RGS10: variants seen among roughly 807,000 people sequenced by gnomAD.
RGS10 encodes regulator of G-protein signalling 10.
Under a neutral mutation model 23.5 loss-of-function variants are expected in RGS10, and 11 were observed. That is an observed-to-expected ratio of 0.47 (90% CI 0.29 to 0.77). RGS10 has a LOEUF of 0.77. RGS10 is among the 30% of genes least tolerant of loss of function. The pLI is 0.08. For missense variants in RGS10, 180 were observed against 226.3 expected (o/e 0.80, Z 1.31); for synonymous variants, 77 against 83.2 (o/e 0.92, Z 0.41).
rs973037242 is a variant in RGS10, at chr10:119,524,263, A to T, written c.255+1769T>A. Among the ~76,000 whole-genome samples, 7 of 152,054 alleles carry T rather than the reference A, an allele frequency of 4.6e-5. No homozygotes were observed. Among genetic ancestry groups the T allele is most frequent in the African/African-American group, 1.7e-4 (7 of 41,372 alleles). On this transcript the variant is annotated intron_variant, in intron 3 of 4. Coordinates refer to ENST00000369103, the MANE Select transcript of RGS10 (RefSeq NM_001005339.2). The surrounding 1 kb of genome is among the most constrained non-coding windows in gnomAD (Gnocchi z 5.2). ...GGCACCAAGCAGGCACTTCACAAAG[A>T]TTTGGGGAATTCAACTGAACGGAGG...
chr10:119,508,619 T>G (rs1447302997), intron 4 of RGS10, among the ~76,000 whole-genome samples: 2 of 152,242 alleles, frequency 1.3e-5, no homozygotes, highest in Admixed American at 6.5e-5. Context: ...GACTTCAATG[T>G]GTTCCATTCT....
At chr10:119,507,400 C>T (rs1200978545) in intron 4 of RGS10, among the ~76,000 whole-genome samples, 3 of 152,110 alleles carry the variant, frequency 2.0e-5, no homozygotes, top group East Asian at 1.9e-4. Flanking sequence ...GCCCCTCTCT[C>T]ACCCTCCGAG....
intron 4 of RGS10, among the ~76,000 whole-genome samples, chr10:119,500,568 C>T (rs11817808): frequency 0.013 from 2,033 of 151,884 alleles, 36 homozygotes; most frequent in African/African-American, 0.047. Context: ...TCAAGACTCT[C>T]CACTTTATTT....
Position 119,526,062 on chromosome 10 carries a change from T to C in RGS10, c.225A>G (p.Glu75=). The stretch of plus-strand genomic sequence containing the variant: ...TCTTATCTTGCATTTTCTTAAAATC[T>C]TCACATGCTAGCCAAAACAAAACAT... The part of the protein sequence containing the change: ...EENVLFWLAC[E]DFKKMQDKTQ... The change falls in exon 3 of 5, where the codon GAA becomes GAG. Residue 75 remains glutamate, a synonymous_variant. Coordinates refer to ENST00000369103, the MANE Select transcript of RGS10 (RefSeq NM_001005339.2). 1 of 1,579,442 alleles carries C rather than the reference T, an allele frequency of 6.3e-7. No individual in the cohort carries two copies. The highest frequency in any genetic ancestry group is 1.2e-5 in the South Asian group (1 of 83,430).
At position 119,538,918 on chromosome 10, in the gene RGS10, A is replaced by C. The variant is rs993706946; in HGVS notation, c.49+3672T>G. Among the ~76,000 whole-genome samples the C allele has an allele frequency of 6.6e-6, 1 of 152,204 alleles. No individual in the cohort carries two copies. The highest frequency in any genetic ancestry group is 2.4e-5 in the African/African-American group (1 of 41,452). On this transcript the variant is annotated intron_variant, in intron 1 of 4. Coordinates refer to ENST00000369103, the MANE Select transcript of RGS10 (RefSeq NM_001005339.2). This position sits in a 1 kb window ranked among gnomAD's most constrained non-coding sequence, Gnocchi z 4.5. ...CAGCATCTGGGGACTCACTCCACCC[A>C]GGGAGGGAAGTGACTCAGTTCACCC... is the stretch of plus-strand genomic sequence containing the variant.
In RGS10 at chr10:119,532,009, A is replaced by C. The variant is rs1844333661; in HGVS notation, c.50-4585T>G. On this transcript the variant is annotated intron_variant, in intron 1 of 4. Transcript: ENST00000369103. ...GTTTTCTGGCTATGGTGCTCTAGAT[A>C]AAGAGCAATTCCTTCTTGCCTTTTT... Among the ~76,000 whole-genome samples, 3 of 152,170 alleles carry C rather than the reference A, an allele frequency of 2.0e-5. No homozygotes were observed. The South Asian group carries it at 6.2e-4, about 31-fold the overall frequency.
In RGS10 at chr10:119,502,421, C is replaced by G. The variant is rs1466419633; in HGVS notation, c.400-2162G>C. 1.2e-4 allele frequency among the ~76,000 whole-genome samples: 18 copies of G among 152,326 alleles called. No homozygotes were observed. The East Asian group carries it at 3.5e-3, about 29-fold the overall frequency. On this transcript the variant is annotated intron_variant, in intron 4 of 4. Coordinates refer to ENST00000369103, the MANE Select transcript of RGS10 (RefSeq NM_001005339.2). Reference sequence around the variant, plus strand: ...GCCTCAGTCCTGTACCCACTCCCACCCCAGGTCCACGCAGATGGGACCCAC... The same window carrying G: ...GCCTCAGTCCTGTACCCACTCCCACGCCAGGTCCACGCAGATGGGACCCAC...
intron 4 of RGS10, among the ~76,000 whole-genome samples, chr10:119,502,973 G>A (rs7905988): frequency 0.053 from 8,134 of 152,198 alleles, 267 homozygotes; most frequent in Middle Eastern, 0.075. Context: ...TGGGGTGCAC[G>A]GGCAGACTTC....
At position 119,518,487 on chromosome 10, in the gene RGS10, A is replaced by T. The variant is rs1026249113; in HGVS notation, c.256-2835T>A. Among the ~76,000 whole-genome samples the T allele has an allele frequency of 1.3e-5, 2 of 152,204 alleles. 1 individual carries two copies. Among genetic ancestry groups the T allele is most frequent in the African/African-American group, 4.8e-5 (2 of 41,448 alleles). On this transcript the variant is annotated intron_variant, in intron 3 of 4. Coordinates refer to ENST00000369103, the MANE Select transcript of RGS10 (RefSeq NM_001005339.2). ...TCAGCTCTCGAACCCGGCTCCCTGCAGGTGCACGATCAGGAGAAGCAAATT... is the reference window on the plus strand; with the variant it reads ...TCAGCTCTCGAACCCGGCTCCCTGCTGGTGCACGATCAGGAGAAGCAAATT...
At position 119,500,150 on chromosome 10, in the gene RGS10, G is replaced by A; in HGVS notation, c.509C>T (p.Thr170Ile). The A allele has an allele frequency of 6.2e-7, 1 of 1,614,012 alleles. No individual in the cohort carries two copies. The highest frequency in any genetic ancestry group is 8.5e-7 in the Non-Finnish European group (1 of 1,180,008). The stretch of plus-strand genomic sequence containing the variant: ...AATTCTGGAAGCTCTTTTAGCTGCA[G>A]TTTGAGCATCAGGCAAATCTTCTTC... ...EEEEDLPDAQTAAKRASRIYN... is the reference protein window; with the variant it reads ...EEEEDLPDAQIAAKRASRIYN... Residue 170 changes from threonine to isoleucine, a missense_variant, in exon 5 of 5, where the codon ACT becomes ATT. By Grantham distance (89) the Thr-to-Ile change is moderately conservative (BLOSUM62 -1). Transcript: ENST00000369103.
Position 119,542,627 on chromosome 10 carries a change from G to A in RGS10, c.12C>T (p.Arg4=). 7.0e-7 allele frequency: 1 copy of A among 1,420,900 alleles called. No individual in the cohort carries two copies. Among genetic ancestry groups the A allele is most frequent in the South Asian group, 1.4e-5 (1 of 71,194 alleles). 88.0% of individuals were successfully genotyped at this position (1,420,900 alleles called of 1,614,324 possible). ...GCTTCCTGCTCAGCCGGCTCACGGC[G>A]CGGTTGAACATCGCCGCGGGCGCCC... MFN[R]AVSRLSRKRP... Residue 4 remains arginine (R), a synonymous_variant, in exon 1 of 5, where the codon CGC becomes CGT. Coordinates refer to ENST00000369103, the MANE Select transcript of RGS10 (RefSeq NM_001005339.2).
chr10:119,527,428 C>T lies in RGS10; in HGVS notation c.50-4G>A. The T allele has an allele frequency of 6.2e-7, 1 of 1,612,094 alleles. No homozygotes were observed. Among genetic ancestry groups the T allele is most frequent in the Non-Finnish European group, 8.5e-7 (1 of 1,178,164 alleles). On this transcript the variant is annotated splice_region_variant and splice_polypyrimidine_tract_variant and intron_variant, in intron 1 of 4. Transcript: ENST00000369103. The surrounding 1 kb of genome is among the most constrained non-coding windows in gnomAD (Gnocchi z 4.2). ...CTGCCATCGCTGTCGTGGATGTCTG[C>T]AAAGCAAAGTTCAGACTGCATATGT...
chr10:119,525,270 G>A (rs1432667118), intron 3 of RGS10, among the ~76,000 whole-genome samples: 1 of 152,114 alleles, frequency 6.6e-6, no homozygotes, highest in Non-Finnish European at 1.5e-5. Flanking sequence ...CTGAAGCAGG[G>A]GAAGCCCAGA....
At chr10:119,523,241 G>A (rs1844239505) in intron 3 of RGS10, among the ~76,000 whole-genome samples, 1 of 152,134 alleles carries the variant, frequency 6.6e-6, no homozygotes, top group Admixed American at 6.6e-5. Context: ...AACACTCCAG[G>A]CCAAACACCC....
intron 2 of RGS10, among the ~76,000 whole-genome samples, 190 bp from the exon 3 acceptor site, chr10:119,526,308 T>C (rs1008161508): frequency 6.6e-6 from 1 of 152,240 alleles, no homozygotes; most frequent in East Asian, 1.9e-4. Flanking sequence ...CATATGCATT[T>C]GACCTTAATG....
At chr10:119,515,851 C>T (rs1404619915) in intron 3 of RGS10, among the ~76,000 whole-genome samples, 199 bp from the exon 4 acceptor site, 3 of 152,220 alleles carry the variant, frequency 2.0e-5, no homozygotes, top group Non-Finnish European at 4.4e-5. Context: ...ACCCCCGCCC[C>T]TTCATGCGCC....
chr10:119,528,157 A>G (rs1844296369), intron 1 of RGS10, among the ~76,000 whole-genome samples: 1 of 151,902 alleles, frequency 6.6e-6, no homozygotes, highest in Admixed American at 6.6e-5. Context: ...CAGCCTCCCA[A>G]GTAGCTGAGA....
intron 4 of RGS10, among the ~76,000 whole-genome samples, chr10:119,506,653 G>A (rs2133945773): frequency 6.6e-6 from 1 of 152,298 alleles, no homozygotes; most frequent in East Asian, 1.9e-4. Flanking sequence ...AAGGGGAGTT[G>A]AATGCTCCTC....
chr10:119,515,435 T>C (rs1205332329), intron 4 of RGS10, 74 bp downstream of exon 4: 2 of 1,570,924 alleles, frequency 1.3e-6, no homozygotes, highest in Non-Finnish European at 1.7e-6. Context: ...ACATCGGGTG[T>C]TTCAGTAAAT....
Sources: gnomAD v4.1 joint callset for allele counts (sites outside exome capture counted in the v4.1 genomes callset) on GRCh38, gnomAD v4.1.1 for gene constraint, Gnocchi (gnomAD v3.1) non-coding constraint, MANE v1.5 for transcripts, NCBI Gene and HGNC (gene_info 2026-07-23, HGNC 2026-07-21) for gene names.